The following SLC35D4 variants were observed in gnomAD, a reference collection of about 807,000 sequenced individuals.
The protein encoded by SLC35D4 is UDP-N-acetylglucosamine transporter SLC35D4.
chr18:23,257,145 G>A, the SLC35D4 span: 2 of 1,501,188 alleles, frequency 1.3e-6, no homozygotes, highest in African/African-American at 2.8e-5. Flanking sequence ...TCACTGGCTG[G>A]TGGATAGAGA....
the SLC35D4 span, among the ~76,000 whole-genome samples, chr18:23,317,769 C>T: frequency 6.6e-6 from 1 of 151,010 alleles, no homozygotes; most frequent in African/African-American, 2.4e-5. Flanking sequence ...CAGACGGAGT[C>T]TCGCTCTGTC....
chr18:23,287,272 C>T, the SLC35D4 span, among the ~76,000 whole-genome samples: 18 of 152,130 alleles, frequency 1.2e-4, no homozygotes, highest in Admixed American at 1.2e-3. Flanking sequence ...TACCTCCCTC[C>T]ACAATCCATT....
At chr18:23,241,322 A>G in the SLC35D4 span, among the ~76,000 whole-genome samples, 1 of 151,954 alleles carries the variant, frequency 6.6e-6, no homozygotes, top group Non-Finnish European at 1.5e-5. Context: ...CTTGAGGTCA[A>G]GAGTTTAAGA....
the SLC35D4 span, among the ~76,000 whole-genome samples, chr18:23,254,435 C>T: frequency 6.6e-6 from 1 of 152,138 alleles, no homozygotes; most frequent in Non-Finnish European, 1.5e-5. Flanking sequence ...ACATGAATGC[C>T]TGTTTTAGAA....
At chr18:23,246,548 C>T in the SLC35D4 span, among the ~76,000 whole-genome samples, 83,253 of 151,074 alleles carry the variant, frequency 0.55, 24,682 homozygotes, top group African/African-American at 0.79. Context: ...CCCGCCACCA[C>T]ACCCGGCTAA....
At chr18:23,424,923 C>T in the SLC35D4 span, among the ~76,000 whole-genome samples, 1 of 151,862 alleles carries the variant, frequency 6.6e-6, no homozygotes, top group Admixed American at 6.6e-5. Flanking sequence ...TTAAAGTTCA[C>T]CTGAAATAAC....
the SLC35D4 span, among the ~76,000 whole-genome samples, chr18:23,349,139 G>C: frequency 6.6e-6 from 1 of 152,146 alleles, no homozygotes; most frequent in South Asian, 2.1e-4. Flanking sequence ...AATGTGTCTA[G>C]ATCTCTTTTT....
chr18:23,300,196 C>A, the SLC35D4 span, among the ~76,000 whole-genome samples: 1 of 152,232 alleles, frequency 6.6e-6, no homozygotes, highest in Non-Finnish European at 1.5e-5. Flanking sequence ...GGGAGGCGTT[C>A]TTTTTGCACG....
the SLC35D4 span, among the ~76,000 whole-genome samples, chr18:23,305,989 T>C: frequency 6.6e-6 from 1 of 152,204 alleles, no homozygotes; most frequent in African/African-American, 2.4e-5. Context: ...CTCCCCATCA[T>C]GGTATTCCAC....
At chr18:23,321,748 C>A in the SLC35D4 span, among the ~76,000 whole-genome samples, 9 of 152,204 alleles carry the variant, frequency 5.9e-5, no homozygotes, top group African/African-American at 2.2e-4. Context: ...AGCCACCACA[C>A]CTGGCTGGCC....
the SLC35D4 span, among the ~76,000 whole-genome samples, chr18:23,242,033 T>G: frequency 6.6e-6 from 1 of 152,180 alleles, no homozygotes; most frequent in Non-Finnish European, 1.5e-5. Flanking sequence ...CCCTGCACTT[T>G]GGAAGGCCGA....
At chr18:23,278,076 G>T in the SLC35D4 span, among the ~76,000 whole-genome samples, 2,726 of 152,264 alleles carry the variant, frequency 0.018, 81 homozygotes, top group African/African-American at 0.063. Context: ...CATTGCAAAT[G>T]GCATGGGCAC....
the SLC35D4 span, among the ~76,000 whole-genome samples, chr18:23,433,465 C>G: frequency 1.3e-5 from 2 of 152,182 alleles, no homozygotes; most frequent in Non-Finnish European, 2.9e-5. Context: ...AACTTTGCCT[C>G]TGAGCTGAAG....
the SLC35D4 span, among the ~76,000 whole-genome samples, chr18:23,354,049 G>A: frequency 6.6e-6 from 1 of 152,182 alleles, no homozygotes; most frequent in Non-Finnish European, 1.5e-5. Flanking sequence ...CACAGCAGTG[G>A]ACAGATGTAG....
chr18:23,343,390 C>G, the SLC35D4 span, among the ~76,000 whole-genome samples: 4 of 151,878 alleles, frequency 2.6e-5, no homozygotes, highest in Non-Finnish European at 5.9e-5. Flanking sequence ...TACAGGCATG[C>G]GCCACCACAT....
At chr18:23,286,297 T>A in the SLC35D4 span, among the ~76,000 whole-genome samples, 1 of 151,870 alleles carries the variant, frequency 6.6e-6, no homozygotes, top group Non-Finnish European at 1.5e-5. Context: ...CAGAACCGCC[T>A]CCCCCAGGAG....
At chr18:23,372,815 G>A in the SLC35D4 span, among the ~76,000 whole-genome samples, 2 of 152,152 alleles carry the variant, frequency 1.3e-5, no homozygotes, top group African/African-American at 4.8e-5. Context: ...TTCTGCCTGA[G>A]CAAAGATTAA....
chr18:23,272,081 G>A, the SLC35D4 span, among the ~76,000 whole-genome samples: 1 of 152,204 alleles, frequency 6.6e-6, no homozygotes, highest in African/African-American at 2.4e-5. Context: ...GGGGATTGTG[G>A]GAACACTGAT....
At chr18:23,284,683 T>G in the SLC35D4 span, among the ~76,000 whole-genome samples, 1 of 152,236 alleles carries the variant, frequency 6.6e-6, no homozygotes, top group Admixed American at 6.5e-5. Context: ...TGACTCAGAA[T>G]AAACCTCTTT....
Sources: gnomAD v4.1 joint callset for allele counts (sites outside exome capture counted in the v4.1 genomes callset) on GRCh38, gnomAD v4.1.1 for gene constraint, MANE v1.5 for transcripts, NCBI Gene and HGNC (gene_info 2026-07-23, HGNC 2026-07-21) for gene names.